The following NCOA2 variants were observed in gnomAD, a reference collection of about 807,000 sequenced individuals.
The protein encoded by NCOA2 is class E basic helix-loop-helix protein 75.
Under a neutral mutation model 145.1 loss-of-function variants are expected in NCOA2, and 21 were observed. That is an observed-to-expected ratio of 0.14 (90% confidence interval 0.10 to 0.21). The LOEUF (loss-of-function observed/expected upper bound fraction) is 0.21. Ranked by LOEUF, NCOA2 falls within the 10% of genes least tolerant of loss-of-function variation. NCOA2 has a pLI of 1.00. For synonymous variants in NCOA2, 619 were observed against 637.5 expected (o/e 0.97, Z 0.44); for missense variants, 1,472 against 1,837.6 (o/e 0.80, Z 3.64).
intron 1 of NCOA2, among the ~76,000 whole-genome samples, chr8:70,329,485 C>T (rs936723277): frequency 4.6e-5 from 7 of 152,060 alleles, no homozygotes; most frequent in African/African-American, 1.4e-4. Context: ...AAGTCATCCT[C>T]CCAACTGGAC....
intron 2 of NCOA2, among the ~76,000 whole-genome samples, chr8:70,273,115 A>C (rs933114427): frequency 2.6e-5 from 4 of 152,250 alleles, no homozygotes; most frequent in Non-Finnish European, 5.9e-5. Flanking sequence ...TGAAACAATG[A>C]ATCAGTACCT....
intron 1 of NCOA2, among the ~76,000 whole-genome samples, chr8:70,326,142 C>A (rs1402104563): frequency 6.6e-6 from 1 of 152,040 alleles, no homozygotes. Flanking sequence ...TGATATGGTT[C>A]AATTAATACT....
chr8:70,304,632 A>T (rs1563743472), intron 1 of NCOA2, among the ~76,000 whole-genome samples: 1 of 151,070 alleles, frequency 6.6e-6, no homozygotes. Context: ...TGCCCGGCTA[A>T]TTTTTTTGTT....
chr8:70,387,895 C>G (rs929823228), intron 1 of NCOA2, among the ~76,000 whole-genome samples: 2 of 152,208 alleles, frequency 1.3e-5, no homozygotes, highest in Admixed American at 6.5e-5. Flanking sequence ...TGCAACCTAG[C>G]CTACATCCCA....
chr8:70,304,611 G>A (rs908776193), intron 1 of NCOA2, among the ~76,000 whole-genome samples: 1 of 151,808 alleles, frequency 6.6e-6, no homozygotes, highest in East Asian at 1.9e-4. Context: ...GATTACAGGT[G>A]CCCGCCACCA....
At chr8:70,403,552 G>A (rs1254488454) in intron 1 of NCOA2, 148 bp downstream of exon 1, 1 of 151,584 alleles carries the variant, frequency 6.6e-6, no homozygotes, top group African/African-American at 2.5e-5. Context: ...GGCGGTCCCC[G>A]CACACAAAAA....
intron 1 of NCOA2, among the ~76,000 whole-genome samples, chr8:70,320,161 G>A (rs754187092): frequency 6.6e-5 from 10 of 152,170 alleles, no homozygotes; most frequent in Non-Finnish European, 1.0e-4. Flanking sequence ...TTAAAATGCT[G>A]AAACATTAAT....
intron 1 of NCOA2, among the ~76,000 whole-genome samples, chr8:70,333,553 G>A (rs755554723): frequency 4.6e-5 from 7 of 152,184 alleles, no homozygotes; most frequent in African/African-American, 9.7e-5. Context: ...ATACACATCA[G>A]CAGCAAAAAA....
At chr8:70,407,005 A>G (rs933913546), upstream of NCOA2, among the ~76,000 whole-genome samples, 1 of 152,208 alleles carries the variant, frequency 6.6e-6, no homozygotes, top group African/African-American at 2.4e-5. Flanking sequence ...AAGACTCAAA[A>G]TGGTGTAAAT....
At chr8:70,194,673 C>CT (rs1563600341) in intron 4 of NCOA2, among the ~76,000 whole-genome samples, 1 of 117,248 alleles carries the variant, frequency 8.5e-6, no homozygotes, top group African/African-American at 3.3e-5. Context: ...GCTCTTTTAT[C>CT]TTCTTTTTTT....
At chr8:70,117,391 CA>C (rs750423509) in intron 22 of NCOA2, among the ~76,000 whole-genome samples, 9 of 152,208 alleles carry the variant, frequency 5.9e-5, no homozygotes, top group Non-Finnish European at 5.9e-5. Flanking sequence ...AATTCGAGGC[CA>C]AAAGATTCAT....
At position 70,156,336 on chromosome 8, in the gene NCOA2, ACC is replaced by A; in HGVS notation, c.2027_2028del (p.Gly676ValfsTer12). On this transcript the variant is annotated frameshift_variant, in exon 11 of 23. Transcript: ENST00000452400. LOFTEE classifies it high-confidence loss of function. ...KDSTGSLPGS[G>X]STHGTSLKEK... ...TCCTTGAGCGAGGTTCCATGTGTAG[ACC>A]CAGAACCAGGCAAGCTACCTGTGGA... 6.2e-7 allele frequency: 1 copy of A among 1,613,856 alleles called. No individual in the cohort carries two copies. The highest frequency in any genetic ancestry group is 8.5e-7 in the Non-Finnish European group (1 of 1,179,856).
At chr8:70,327,049 C>G (rs554002536) in intron 1 of NCOA2, among the ~76,000 whole-genome samples, 1 of 152,262 alleles carries the variant, frequency 6.6e-6, no homozygotes, top group African/African-American at 2.4e-5. Flanking sequence ...TTAAGCTTTC[C>G]TTGCCTAACT....
intron 19 of NCOA2, among the ~76,000 whole-genome samples, chr8:70,125,308 C>A (rs554949843): frequency 3.4e-3 from 511 of 152,266 alleles, no homozygotes; most frequent in Non-Finnish European, 5.0e-3. Flanking sequence ...GTTGCCCAGG[C>A]TGGAGTACAG....
Position 70,388,764 on chromosome 8 carries a change from C to G in NCOA2, c.-77+14936G>C, listed in dbSNP as rs190030010. ...AATGAACTGTTCTTTTTAAAAAGCACACACGCACACACACACACGCAGACA... is the reference window on the plus strand; with the variant it reads ...AATGAACTGTTCTTTTTAAAAAGCAGACACGCACACACACACACGCAGACA... On this transcript the variant is annotated intron_variant, in intron 1 of 22. Coordinates refer to ENST00000452400, the MANE Select transcript of NCOA2 (RefSeq NM_006540.4). Among the ~76,000 whole-genome samples the G allele has an allele frequency of 4.6e-3, 699 of 152,204 alleles. 9 individuals carry two copies. Among genetic ancestry groups the G allele is most frequent in the African/African-American group, 0.016 (674 of 41,506 alleles).
At chr8:70,448,183 C>T in the NCOA2 span, among the ~76,000 whole-genome samples, 1 of 151,578 alleles carries the variant, frequency 6.6e-6, no homozygotes, top group African/African-American at 2.4e-5. Flanking sequence ...TTCTTGTCCT[C>T]AAGAAAATTA....
the NCOA2 span, among the ~76,000 whole-genome samples, chr8:70,455,054 A>G: frequency 6.6e-6 from 1 of 152,374 alleles, no homozygotes; most frequent in African/African-American, 2.4e-5. Flanking sequence ...TCATGAAAGG[A>G]TACTTTGAAA....
chr8:70,142,756 C>T (rs948202065), intron 13 of NCOA2, among the ~76,000 whole-genome samples: 4 of 151,778 alleles, frequency 2.6e-5, no homozygotes, highest in African/African-American at 9.7e-5. Context: ...ATTTTAAAAA[C>T]CATTTTAGAA....
intron 4 of NCOA2, among the ~76,000 whole-genome samples, chr8:70,204,382 A>G (rs1818227141): frequency 6.6e-6 from 1 of 152,204 alleles, no homozygotes; most frequent in Non-Finnish European, 1.5e-5. Context: ...ACAGGGCTCC[A>G]GCTATGCTTA....
Sources: allele counts gnomAD v4.1 joint callset (sites outside exome capture counted in the v4.1 genomes callset), GRCh38; gene constraint gnomAD v4.1.1; transcripts MANE v1.5; gene names NCBI Gene and HGNC (gene_info 2026-07-23, HGNC 2026-07-21).